The following TPD52 variants were observed in gnomAD, a reference collection of about 807,000 sequenced individuals.
The protein encoded by TPD52 is tumor protein D52.
Under a neutral mutation model 31.3 loss-of-function variants are expected in TPD52, and 17 were observed. The observed-to-expected ratio is 0.54, with a 90% CI of 0.37 to 0.82. TPD52 has a LOEUF of 0.82. TPD52 is among the 40% of genes least tolerant of loss of function. The probability of loss-of-function intolerance (pLI) is 0.00; values close to 1 mark genes in which losing one functional copy is unlikely to be tolerated. For synonymous variants in TPD52, 83 were observed against 89.6 expected (o/e 0.93, Z 0.42); for missense variants, 212 against 240.1 (o/e 0.88, Z 0.77).
intron 1 of TPD52, among the ~76,000 whole-genome samples, chr8:80,150,105 A>AG (rs1366006721): frequency 2.0e-5 from 3 of 152,186 alleles, no homozygotes; most frequent in East Asian, 1.9e-4. Flanking sequence ...TGTGCAGCCT[A>AG]GGGACTTGGT....
intron 1 of TPD52, among the ~76,000 whole-genome samples, chr8:80,151,550 A>G (rs559422654): frequency 1.6e-4 from 25 of 152,236 alleles, no homozygotes; most frequent in Non-Finnish European, 3.1e-4. Context: ...TTGAAACTTT[A>G]AAGAAGCAGT....
At chr8:80,160,675 A>G (rs969454673) in intron 1 of TPD52, among the ~76,000 whole-genome samples, 2 of 152,036 alleles carry the variant, frequency 1.3e-5, no homozygotes, top group Non-Finnish European at 2.9e-5. Context: ...CCCTTCTGAA[A>G]TGTGTTTTTT....
In TPD52 at chr8:80,164,316, G is replaced by T. The variant is rs180758696; in HGVS notation, c.19+7109C>A. On this transcript the variant is annotated intron_variant, in intron 1 of 7. Transcript: ENST00000518937. ...TGCTGGCAATGAACATACAGATAAA[G>T]AGAAAAGAAAAGAATGTAAGAATTT... 8.3e-3 allele frequency among the ~76,000 whole-genome samples: 1,265 copies of T among 152,222 alleles called. 17 individuals carry two copies. The highest frequency in any genetic ancestry group is 0.028 in the African/African-American group (1,167 of 41,510).
chr8:80,065,586 A>C (rs1813048650), intron 1 of TPD52, among the ~76,000 whole-genome samples: 1 of 152,072 alleles, frequency 6.6e-6, no homozygotes, highest in Non-Finnish European at 1.5e-5. Flanking sequence ...GAGGCCACTA[A>C]AACACTCAAT....
chr8:80,061,544 A>G (rs6473197), intron 2 of TPD52, among the ~76,000 whole-genome samples: 108,413 of 151,802 alleles, frequency 0.71, 39,612 homozygotes, highest in African/African-American at 0.89. Context: ...TTAACCAGGC[A>G]GATGGTGGCA....
At chr8:80,081,087 A>G (rs1287337163) in intron 1 of TPD52, among the ~76,000 whole-genome samples, 1 of 150,818 alleles carries the variant, frequency 6.6e-6, no homozygotes, top group Non-Finnish European at 1.5e-5. Context: ...TATTTCCATG[A>G]TTACTTTATC....
rs773572732 is a variant in TPD52 at position 80,138,038 on chromosome 8, G to C, written c.19+33387C>G. ...TGGCTCACTGCAACCTCGCCTCCCA[G>C]GTTCAAGCAATTCTCCTGCCTCAGC... On this transcript the variant is annotated intron_variant, in intron 1 of 7. Coordinates refer to ENST00000518937, the MANE Select transcript of TPD52 (RefSeq NM_001025253.3). Among the ~76,000 whole-genome samples the C allele has an allele frequency of 4.9e-4, 74 of 152,062 alleles. 1 individual carries two copies. The highest frequency in any genetic ancestry group is 2.9e-5 in the Non-Finnish European group (2 of 68,010).
chr8:80,062,269 G>A lies in TPD52; in HGVS notation c.135+2209C>T, dbSNP rs190148669. Among the ~76,000 whole-genome samples the A allele has an allele frequency of 4.3e-3, 653 of 152,242 alleles. 5 individuals are homozygous for A. The highest frequency in any genetic ancestry group is 0.013 in the African/African-American group (555 of 41,536). On this transcript the variant is annotated intron_variant, in intron 2 of 7. Transcript: ENST00000518937. ...TCCAGAAATAAACCTATACATCTATGGTTAACTGATTTTTTTTCTTTTTTA... is the reference window on the plus strand; with the variant it reads ...TCCAGAAATAAACCTATACATCTATAGTTAACTGATTTTTTTTCTTTTTTA...
chr8:80,137,408 CTA>C (rs1333093343), intron 1 of TPD52, among the ~76,000 whole-genome samples: 3 of 132,284 alleles, frequency 2.3e-5, no homozygotes, highest in African/African-American at 5.6e-5. Context: ...AAAATGGAAA[CTA>C]TATGTTAGAT....
chr8:80,058,861 C>A (rs1812185619), intron 2 of TPD52, among the ~76,000 whole-genome samples: 1 of 152,078 alleles, frequency 6.6e-6, no homozygotes, highest in East Asian at 1.9e-4. Flanking sequence ...TCTGCCTTAC[C>A]CATTCTATCC....
At chr8:80,101,628 G>C (rs1195117399) in intron 1 of TPD52, among the ~76,000 whole-genome samples, 1 of 152,132 alleles carries the variant, frequency 6.6e-6, no homozygotes, top group African/African-American at 2.4e-5. Flanking sequence ...GAGGGTCGCA[G>C]GAAGCTTCCA....
At chr8:80,097,842 G>A (rs890425349) in intron 1 of TPD52, among the ~76,000 whole-genome samples, 6 of 152,230 alleles carry the variant, frequency 3.9e-5, no homozygotes, top group Non-Finnish European at 1.5e-5. Context: ...AACTTGCAAA[G>A]TTAGAGAGGA....
intron 1 of TPD52, among the ~76,000 whole-genome samples, chr8:80,124,988 T>C (rs1028067080): frequency 1.3e-5 from 2 of 152,350 alleles, no homozygotes; most frequent in East Asian, 1.9e-4. Context: ...CCTACACTGA[T>C]ACATCATTAT....
intron 3 of TPD52, 145 bp downstream of exon 3, chr8:80,053,137 T>C (rs1231216925): frequency 3.3e-5 from 29 of 881,912 alleles, no homozygotes; most frequent in Admixed American, 1.2e-4. Context: ...GCAGGCACAC[T>C]TGAAAATCAG....
chr8:80,158,059 A>G (rs1811091183), intron 1 of TPD52, among the ~76,000 whole-genome samples: 1 of 152,162 alleles, frequency 6.6e-6, no homozygotes. Context: ...TTCAAATTTA[A>G]TATCTATAGT....
At chr8:80,169,659 T>C (rs1811946985) in intron 1 of TPD52, among the ~76,000 whole-genome samples, 1 of 152,226 alleles carries the variant, frequency 6.6e-6, no homozygotes, top group Non-Finnish European at 1.5e-5. Context: ...AACATCATTA[T>C]GTCAAACGAC....
At chr8:80,065,781 T>C (rs1464851329) in intron 1 of TPD52, among the ~76,000 whole-genome samples, 2 of 152,184 alleles carry the variant, frequency 1.3e-5, no homozygotes, top group African/African-American at 4.8e-5. Flanking sequence ...ATTTTATTCA[T>C]GATTTTCTTT....
chr8:80,170,795 A>G (rs1041793662), intron 1 of TPD52, among the ~76,000 whole-genome samples: 31 of 152,294 alleles, frequency 2.0e-4, no homozygotes, highest in Admixed American at 1.6e-3. Context: ...ACCCAACGCT[A>G]TGGTAAATTA....
At chr8:80,166,318 C>T (rs559073090) in intron 1 of TPD52, among the ~76,000 whole-genome samples, 4 of 152,126 alleles carry the variant, frequency 2.6e-5, no homozygotes, top group East Asian at 4.0e-4. Flanking sequence ...CTGCAACCTC[C>T]GCCTCCCAGG....
Sources: gnomAD v4.1 joint callset for allele counts (sites outside exome capture counted in the v4.1 genomes callset) on GRCh38, gnomAD v4.1.1 for gene constraint, MANE v1.5 for transcripts, NCBI Gene and HGNC (gene_info 2026-07-23, HGNC 2026-07-21) for gene names.